The following NUDT9 variants were observed in gnomAD, a reference collection of about 807,000 sequenced individuals.
NUDT9 encodes ADP-ribose pyrophosphatase.
Under a neutral mutation model 41.0 loss-of-function variants are expected in NUDT9, and 31 were observed. That is an observed-to-expected ratio of 0.76 (90% CI 0.57 to 1.02). The LOEUF (loss-of-function observed/expected upper bound fraction) is 1.02. Among genes scored for constraint, NUDT9 ranks in the 50% least tolerant of loss-of-function variants. The pLI is 0.00. For synonymous variants in NUDT9, 146 were observed against 147.6 expected, an observed-to-expected ratio of 0.99 and a Z score of 0.08; for missense variants, 380 against 431.4, an observed-to-expected ratio of 0.88 and a Z score of 1.06.
chr4:87,425,689 C>T (rs1477615872), intron 1 of NUDT9, among the ~76,000 whole-genome samples: 1 of 144,878 alleles, frequency 6.9e-6, no homozygotes, highest in Non-Finnish European at 1.5e-5. Context: ...AGCCCCCACG[C>T]CTGGCCAAGA....
At chr4:87,434,898 C>G in intron 1 of NUDT9, 83 bp from the exon 2 acceptor site, 1 of 1,237,294 alleles carries the variant, frequency 8.1e-7, no homozygotes, top group East Asian at 2.4e-5. Context: ...GGATTACAGG[C>G]GTAAGCCACT....
chr4:87,425,418 G>C (rs1721368200), intron 1 of NUDT9, among the ~76,000 whole-genome samples: 1 of 141,106 alleles, frequency 7.1e-6, no homozygotes, highest in Non-Finnish European at 1.5e-5. Context: ...TTTTGAGATG[G>C]AGTCTTGCTC....
intron 2 of NUDT9, among the ~76,000 whole-genome samples, chr4:87,435,884 A>T (rs1721909140): frequency 6.6e-6 from 1 of 152,222 alleles, no homozygotes; most frequent in African/African-American, 2.4e-5. Context: ...TTGTGAAGTG[A>T]TTACAACAAT....
chr4:87,450,989 C>T (rs1415894278), intron 5 of NUDT9, among the ~76,000 whole-genome samples: 3 of 152,048 alleles, frequency 2.0e-5, no homozygotes, highest in Non-Finnish European at 4.4e-5. Flanking sequence ...TTAAATATAT[C>T]GCATGTTAGA....
chr4:87,444,648 A>G (rs1157794958), intron 4 of NUDT9, among the ~76,000 whole-genome samples: 3 of 152,236 alleles, frequency 2.0e-5, no homozygotes, highest in Non-Finnish European at 4.4e-5. Flanking sequence ...TAAGGGGACA[A>G]GAGCAGAAAA....
Position 87,435,038 on chromosome 4 carries a change from T to C in NUDT9, c.165T>C (p.Asn55=). The C allele has an allele frequency of 6.2e-7, 1 of 1,614,110 alleles. No individual in the cohort carries two copies. Among genetic ancestry groups the C allele is most frequent in the Non-Finnish European group, 8.5e-7 (1 of 1,179,970 alleles). The part of the protein sequence containing the change: ...HLNTNVMSGS[N]GSKENSHNKA... The stretch of plus-strand genomic sequence containing the variant: ...ATACCAACGTCATGTCTGGTTCTAA[T>C]GGTTCCAAAGAAAATTCTCACAATA... The change falls in exon 2 of 8, where the codon AAT becomes AAC. Residue 55 remains asparagine, a synonymous_variant. Transcript: ENST00000302174.
At chr4:87,424,417 G>A (rs1339839902) in intron 1 of NUDT9, among the ~76,000 whole-genome samples, 3 of 151,960 alleles carry the variant, frequency 2.0e-5, no homozygotes, top group African/African-American at 7.3e-5. Context: ...GCGCACGCCC[G>A]GCTAATTTTT....
At position 87,425,879 on chromosome 4, in the gene NUDT9, C is replaced by T. The variant is rs529396177; in HGVS notation, c.107+2867C>T. ...CTGGAGTGCAGTGGTGTGATCATGA[C>T]TCACTGCAGTCTCAACCTCCTGGGC... On this transcript the variant is annotated intron_variant, in intron 1 of 7. Coordinates refer to ENST00000302174, the MANE Select transcript of NUDT9 (RefSeq NM_024047.5). Among the ~76,000 whole-genome samples, 6 of 152,182 alleles carry T rather than the reference C, an allele frequency of 3.9e-5. No homozygotes were observed. The South Asian group carries it at 1.2e-3, about 32-fold the overall frequency.
At position 87,435,066 on chromosome 4, in the gene NUDT9, G is replaced by C. The variant is rs895400482; in HGVS notation, c.193G>C (p.Ala65Pro). 16 of 1,613,958 alleles carry C rather than the reference G, an allele frequency of 9.9e-6. No individual in the cohort carries two copies. Among genetic ancestry groups the C allele is most frequent in the African/African-American group, 2.7e-5 (2 of 74,902 alleles). ...NGSKENSHNKARTSPYPGSKV... is the reference protein window; with the variant it reads ...NGSKENSHNKPRTSPYPGSKV... ...TTCCAAAGAAAATTCTCACAATAAG[G>C]CTCGGACGTCTCCTTACCCAGGTTC... The change falls in exon 2 of 8, where the codon GCT becomes CCT. Residue 65 changes from alanine (A) to proline (P), a missense_variant. Ala to Pro is a conservative substitution (Grantham distance 27). Coordinates refer to ENST00000302174, the MANE Select transcript of NUDT9 (RefSeq NM_024047.5).
rs1354187778 is a variant in NUDT9, at chr4:87,422,954, C to T, written c.49C>T (p.Leu17=). The T allele has an allele frequency of 1.2e-6, 2 of 1,613,242 alleles. No homozygotes were observed. The highest frequency in any genetic ancestry group is 1.7e-6 in the Non-Finnish European group (2 of 1,179,832). ...GKALAAVSLS[L]ALASVTIRSS... is the part of the protein sequence containing the mutation. ...GGCTTTAGCCGCGGTGTCTCTCTCT[C>T]TGGCCTTGGCCTCTGTGACTATCAG... is the stretch of plus-strand genomic sequence containing the variant. The change falls in exon 1 of 8, where the codon CTG becomes TTG. Residue 17 remains leucine (L), a synonymous_variant. Transcript: ENST00000302174.
At chr4:87,430,802 A>G (rs1721653355) in intron 1 of NUDT9, among the ~76,000 whole-genome samples, 1 of 152,084 alleles carries the variant, frequency 6.6e-6, no homozygotes, top group Non-Finnish European at 1.5e-5. Context: ...TGTTGTGTGT[A>G]GGAGTTCTTT....
intron 7 of NUDT9, among the ~76,000 whole-genome samples, chr4:87,457,076 C>T (rs539557141): frequency 1.3e-3 from 204 of 152,226 alleles, no homozygotes; most frequent in African/African-American, 4.7e-3. Context: ...CAGTCTGGCA[C>T]ACAAGATGCA....
intron 7 of NUDT9, among the ~76,000 whole-genome samples, chr4:87,456,591 C>T (rs1420448929): frequency 6.6e-6 from 1 of 152,092 alleles, no homozygotes; most frequent in Non-Finnish European, 1.5e-5. Flanking sequence ...TATGGCTGAC[C>T]CCCTAGGAGA....
intron 5 of NUDT9, 68 bp from the exon 6 acceptor site, chr4:87,451,521 C>A (rs1722707469): frequency 8.1e-7 from 1 of 1,234,864 alleles, no homozygotes; most frequent in Non-Finnish European, 1.1e-6. Flanking sequence ...CACTCTACTA[C>A]TCAATAAATA....
rs780560547 is a variant in NUDT9, at chr4:87,441,817, T to C, written c.444-12T>C. 1 of 1,609,670 alleles carries C rather than the reference T, an allele frequency of 6.2e-7. No individual in the cohort carries two copies. Among genetic ancestry groups the C allele is most frequent in the South Asian group, 1.1e-5 (1 of 90,226 alleles). ...ACATTCAATTGATTTTATGCTTTTTTTGTTTTTCCAGAAATCCTGCAGGAC... is the reference window on the plus strand; with the variant it reads ...ACATTCAATTGATTTTATGCTTTTTCTGTTTTTCCAGAAATCCTGCAGGAC... On this transcript the variant is annotated splice_polypyrimidine_tract_variant and intron_variant, in intron 3 of 7. Transcript: ENST00000302174.
intron 1 of NUDT9, 60 bp downstream of exon 1, chr4:87,423,072 C>G: frequency 1.5e-6 from 2 of 1,333,652 alleles, no homozygotes; most frequent in Non-Finnish European, 2.1e-6. Context: ...GGGTGGGAAG[C>G]AGCTTTTTTT....
intron 1 of NUDT9, among the ~76,000 whole-genome samples, chr4:87,427,119 C>CA (rs1183449352): frequency 0.025 from 1,620 of 65,942 alleles, 20 homozygotes; most frequent in African/African-American, 0.059. Flanking sequence ...GGCCTTGTCT[C>CA]AAAAAAAAAA....
In NUDT9 at chr4:87,457,912, A is replaced by G. The variant is rs148560988; in HGVS notation, c.944A>G (p.Asn315Ser). ...GGAAAAGTGAAATGGGTGGACATCAATGATAAACTGAAGCTTTATGCCAGT... is the reference window on the plus strand; with the variant it reads ...GGAAAAGTGAAATGGGTGGACATCAGTGATAAACTGAAGCTTTATGCCAGT... Reference protein sequence around the residue: ...DAGKVKWVDINDKLKLYASHS... With the variant: ...DAGKVKWVDISDKLKLYASHS... The change falls in exon 8 of 8, where the codon AAT becomes AGT. Residue 315 changes from asparagine (N) to serine (S), a missense_variant. Coordinates refer to ENST00000302174, the MANE Select transcript of NUDT9 (RefSeq NM_024047.5). 314 of 1,609,986 alleles carry G rather than the reference A, an allele frequency of 2.0e-4. No homozygotes were observed. The highest frequency in any genetic ancestry group is 1.7e-3 in the African/African-American group (128 of 74,468).
At chr4:87,440,719 G>A (rs1322515797) in intron 3 of NUDT9, among the ~76,000 whole-genome samples, 3 of 152,074 alleles carry the variant, frequency 2.0e-5, no homozygotes, top group Non-Finnish European at 4.4e-5. Flanking sequence ...GGTGGTGCAT[G>A]CCTGTAATCC....
Sources: gnomAD v4.1 joint callset for allele counts (sites outside exome capture counted in the v4.1 genomes callset) on GRCh38, gnomAD v4.1.1 for gene constraint, MANE v1.5 for transcripts, NCBI Gene and HGNC (gene_info 2026-07-23, HGNC 2026-07-21) for gene names.